The following FAM135B variants were observed in gnomAD, a reference collection of about 807,000 sequenced individuals.
FAM135B encodes family with sequence similarity 135 member B.
In FAM135B, 43 loss-of-function variants were observed where a neutral mutation model predicts 127.7. The observed-to-expected ratio is 0.34, with a 90% CI of 0.26 to 0.43. The LOEUF (loss-of-function observed/expected upper bound fraction) is 0.43, where lower values mean the gene tolerates loss of function less well. Among genes scored for constraint, FAM135B ranks in the 20% least tolerant of loss-of-function variants. The pLI, the probability that FAM135B is intolerant of heterozygous loss-of-function variation, is 1.00. For missense variants in FAM135B, 1,558 were observed against 1,725.6 expected (o/e 0.90, Z 1.72); for synonymous variants, 670 against 665.1 (o/e 1.01, Z -0.11).
intron 5 of FAM135B, among the ~76,000 whole-genome samples, chr8:138,251,847 A>G (rs1185233417): frequency 5.3e-5 from 8 of 152,210 alleles, no homozygotes; most frequent in African/African-American, 1.4e-4. Context: ...GCAGACCACA[A>G]GGGAAACCTG....
chr8:138,149,017 T>C (rs544563779), intron 13 of FAM135B, among the ~76,000 whole-genome samples: 112 of 147,306 alleles, frequency 7.6e-4, no homozygotes, highest in Admixed American at 2.2e-3. Context: ...CATTAGGAGA[T>C]ATACCTAACG....
chr8:138,406,145 T>C (rs1481948290), intron 1 of FAM135B, among the ~76,000 whole-genome samples: 2 of 150,898 alleles, frequency 1.3e-5, no homozygotes, highest in Non-Finnish European at 2.9e-5. Flanking sequence ...GTTGCGAAAA[T>C]TTTCTCCCAT....
chr8:138,274,475 G>A (rs1016874967), intron 3 of FAM135B, among the ~76,000 whole-genome samples: 1 of 152,186 alleles, frequency 6.6e-6, no homozygotes, highest in Non-Finnish European at 1.5e-5. Context: ...CAGGACCACA[G>A]GACGGAGGCA....
intron 7 of FAM135B, among the ~76,000 whole-genome samples, chr8:138,217,428 A>ATTTTT (rs1563781671): frequency 2.6e-5 from 3 of 114,926 alleles, no homozygotes; most frequent in African/African-American, 1.1e-4. Context: ...TCTCTGATAT[A>ATTTTT]TTTCTTTTTT....
At chr8:138,344,935 T>C (rs184644112) in intron 2 of FAM135B, among the ~76,000 whole-genome samples, 1 of 152,280 alleles carries the variant, frequency 6.6e-6, no homozygotes, top group African/African-American at 2.4e-5. Context: ...TCAAACTGAA[T>C]GATCCACTTG....
intron 1 of FAM135B, among the ~76,000 whole-genome samples, chr8:138,470,117 A>G (rs1480004410): frequency 6.6e-6 from 1 of 152,224 alleles, no homozygotes; most frequent in Non-Finnish European, 1.5e-5. Context: ...AAGGTATAAT[A>G]TCTGAACTGA....
intron 2 of FAM135B, among the ~76,000 whole-genome samples, chr8:138,325,698 A>G (rs1291735336): frequency 6.6e-6 from 1 of 152,180 alleles, no homozygotes; most frequent in Non-Finnish European, 1.5e-5. Context: ...CAGAATGGCT[A>G]TAACTTCTCC....
chr8:138,298,174 T>C (rs1452860161), intron 3 of FAM135B, among the ~76,000 whole-genome samples: 1 of 152,144 alleles, frequency 6.6e-6, no homozygotes, highest in Non-Finnish European at 1.5e-5. Context: ...ATATTACAAA[T>C]AACTCCTGGC....
At chr8:138,157,980 C>T (rs10105561) in intron 12 of FAM135B, among the ~76,000 whole-genome samples, 105,504 of 152,046 alleles carry the variant, frequency 0.69, 36,645 homozygotes, top group East Asian at 0.77. Context: ...AAAAGGAGCC[C>T]GCATTGCCAA....
At chr8:138,482,213 TG>T (rs1165415654) in intron 1 of FAM135B, among the ~76,000 whole-genome samples, 4 of 151,992 alleles carry the variant, frequency 2.6e-5, no homozygotes, top group Non-Finnish European at 2.9e-5. Context: ...TCCAAAGATG[TG>T]GGAAACAACA....
rs368086363 is a variant in FAM135B, at chr8:138,178,667, G to T, written c.897C>A (p.Ile299=). ...CCAGATCCTTGCTTATCTGCTCAGCGATCTTCTCTGGATTGTTCAACATCT... is the reference window on the plus strand; with the variant it reads ...CCAGATCCTTGCTTATCTGCTCAGCTATCTTCTCTGGATTGTTCAACATCT... ...ELQMLNNPEK[I]AEQISKDLAW... is the part of the protein sequence containing the mutation. Residue 299 remains isoleucine, a synonymous_variant, in exon 10 of 20, where the codon ATC becomes ATA. Coordinates refer to ENST00000395297, the MANE Select transcript of FAM135B (RefSeq NM_015912.4). The T allele has an allele frequency of 1.2e-6, 2 of 1,613,398 alleles. No homozygotes were observed. The highest frequency in any genetic ancestry group is 2.7e-5 in the African/African-American group (2 of 74,784).
At chr8:138,136,824 C>T (rs1400286315) in intron 19 of FAM135B, among the ~76,000 whole-genome samples, 3 of 152,124 alleles carry the variant, frequency 2.0e-5, no homozygotes, top group Non-Finnish European at 4.4e-5. Flanking sequence ...TATTACTTGT[C>T]GAGGCTCCAA....
chr8:138,214,171 G>C (rs1225681634), intron 7 of FAM135B, among the ~76,000 whole-genome samples: 1 of 151,994 alleles, frequency 6.6e-6, no homozygotes, highest in Non-Finnish European at 1.5e-5. Flanking sequence ...GAGATCCCAG[G>C]AAATGAGAGT....
chr8:138,281,046 G>A lies in FAM135B; in HGVS notation c.158-15204C>T, dbSNP rs371170143. 2.6e-4 allele frequency among the ~76,000 whole-genome samples: 39 copies of A among 152,050 alleles called. 1 individual carries two copies. Among genetic ancestry groups the A allele is most frequent in the African/African-American group, 8.7e-4 (36 of 41,410 alleles). On this transcript the variant is annotated intron_variant, in intron 3 of 19. Transcript: ENST00000395297. Reference sequence around the variant, plus strand: ...TCATCTACAAGTTGCCAGGGCTGTCGGGAGCTGCTTCCACCCAATTAGGTG... The same window carrying A: ...TCATCTACAAGTTGCCAGGGCTGTCAGGAGCTGCTTCCACCCAATTAGGTG...
At chr8:138,284,634 C>T (rs73719207) in intron 3 of FAM135B, among the ~76,000 whole-genome samples, 154 of 151,850 alleles carry the variant, frequency 1.0e-3, no homozygotes, top group African/African-American at 3.6e-3. Context: ...CATGCTGTTC[C>T]CTCTGCTTGG....
intron 7 of FAM135B, among the ~76,000 whole-genome samples, chr8:138,210,391 C>T (rs116299910): frequency 0.012 from 1,753 of 152,128 alleles, 42 homozygotes; most frequent in African/African-American, 0.04. Context: ...TGTATTAGTT[C>T]GTTCTTGCAT....
chr8:138,337,696 T>G (rs954674576), intron 2 of FAM135B, among the ~76,000 whole-genome samples: 1 of 152,060 alleles, frequency 6.6e-6, no homozygotes, highest in South Asian at 2.1e-4. Context: ...AGGTAATTTA[T>G]AGATTCAATG....
intron 12 of FAM135B, among the ~76,000 whole-genome samples, chr8:138,155,260 C>G (rs1243182115): frequency 1.3e-5 from 2 of 152,312 alleles, no homozygotes; most frequent in East Asian, 1.9e-4. Context: ...GATTTTGTCA[C>G]CACCAGGCCT....
At chr8:138,239,149 A>C (rs1335729953) in intron 7 of FAM135B, among the ~76,000 whole-genome samples, 2 of 152,206 alleles carry the variant, frequency 1.3e-5, no homozygotes, top group African/African-American at 4.8e-5. Context: ...TTCACAGTTA[A>C]GAAAACTAAG....
Sources: allele counts gnomAD v4.1 joint callset (sites outside exome capture counted in the v4.1 genomes callset), GRCh38; gene constraint gnomAD v4.1.1; transcripts MANE v1.5; gene names NCBI Gene and HGNC (gene_info 2026-07-23, HGNC 2026-07-21).